The following PDLIM5 variants were observed in gnomAD, a reference collection of about 807,000 sequenced individuals.
PDLIM5 encodes PDZ and LIM domain 5, also known as PDZ and LIM domain protein 5.
A neutral mutation model predicts 64.2 loss-of-function variants in PDLIM5; 34 were observed. The observed-to-expected ratio is 0.53, with a 90% CI of 0.40 to 0.71. The LOEUF (loss-of-function observed/expected upper bound fraction) is 0.71. Among genes scored for constraint, PDLIM5 ranks in the 30% least tolerant of loss-of-function variants. The probability of loss-of-function intolerance (pLI) is 0.00; values close to 1 mark genes in which losing one functional copy is unlikely to be tolerated. For synonymous variants in PDLIM5, 253 were observed against 269.1 expected (o/e 0.94, Z 0.59); for missense variants, 683 against 733.6 (o/e 0.93, Z 0.80).
chr4:94,551,881 A>C (rs542160160), intron 3 of PDLIM5, among the ~76,000 whole-genome samples: 2 of 152,300 alleles, frequency 1.3e-5, no homozygotes, highest in South Asian at 4.1e-4. Flanking sequence ...GAGAAGTGGA[A>C]GAATGTCTTT....
intron 3 of PDLIM5, among the ~76,000 whole-genome samples, chr4:94,527,991 G>A (rs962859885): frequency 2.6e-5 from 4 of 152,298 alleles, no homozygotes; most frequent in East Asian, 1.9e-4. Flanking sequence ...ACAACAGCAC[G>A]TGCTATGGGA....
At chr4:94,652,834 T>C (rs1741943810) in intron 9 of PDLIM5, among the ~76,000 whole-genome samples, 1 of 152,084 alleles carries the variant, frequency 6.6e-6, no homozygotes, top group Non-Finnish European at 1.5e-5. Flanking sequence ...TAACAAAAAG[T>C]AGGGCTAGAA....
At chr4:94,507,752 T>C (rs1728513173) in intron 2 of PDLIM5, among the ~76,000 whole-genome samples, 1 of 152,242 alleles carries the variant, frequency 6.6e-6, no homozygotes, top group South Asian at 2.1e-4. Context: ...TTTAGCCTTA[T>C]CCTTATATTT....
At chr4:94,610,085 T>C in intron 7 of PDLIM5, 2 of 746,824 alleles carry the variant, frequency 2.7e-6, no homozygotes, top group Admixed American at 3.1e-5. Flanking sequence ...AAATGGTTGC[T>C]CTCTTGTATT....
intron 7 of PDLIM5, among the ~76,000 whole-genome samples, chr4:94,600,565 T>C (rs1737415378): frequency 6.6e-6 from 1 of 152,276 alleles, no homozygotes; most frequent in African/African-American, 2.4e-5. Context: ...TTATTGTTTA[T>C]AAATTCTTTT....
intron 5 of PDLIM5, among the ~76,000 whole-genome samples, chr4:94,576,537 T>C (rs372553787): frequency 3.3e-5 from 5 of 152,330 alleles, no homozygotes; most frequent in African/African-American, 1.2e-4. Context: ...AAGCATTAGC[T>C]TAGAGCAGAG....
intron 7 of PDLIM5, among the ~76,000 whole-genome samples, chr4:94,600,523 T>C (rs1352088917): frequency 6.6e-6 from 1 of 152,230 alleles, no homozygotes; most frequent in East Asian, 1.9e-4. Context: ...TACATGCCTT[T>C]CTCCTCTTTA....
intron 5 of PDLIM5, chr4:94,585,033 G>A (rs779824183): frequency 6.8e-6 from 8 of 1,179,344 alleles, no homozygotes; most frequent in East Asian, 4.8e-5. Context: ...CATTCTAATA[G>A]CATTATTTTA....
At chr4:94,629,783 T>C (rs1458381177) in intron 8 of PDLIM5, among the ~76,000 whole-genome samples, 1 of 152,200 alleles carries the variant, frequency 6.6e-6, no homozygotes, top group Non-Finnish European at 1.5e-5. Flanking sequence ...GAAATGGTAA[T>C]AGTTTAATCT....
intron 7 of PDLIM5, chr4:94,608,219 G>T: frequency 7.0e-7 from 1 of 1,421,566 alleles, no homozygotes. Context: ...TTCAAAGCTG[G>T]TAGTGAATTT....
chr4:94,504,352 A>G (rs1247068506), intron 2 of PDLIM5, among the ~76,000 whole-genome samples: 4 of 151,486 alleles, frequency 2.6e-5, no homozygotes, highest in African/African-American at 9.7e-5. Context: ...CGGTGGCACT[A>G]TCTCGGCTCA....
chr4:94,453,788 A>G (rs1355262500), intron 1 of PDLIM5, among the ~76,000 whole-genome samples: 1 of 152,134 alleles, frequency 6.6e-6, no homozygotes, highest in Non-Finnish European at 1.5e-5. Context: ...ACCTATATAT[A>G]CAGTTTGACT....
intron 7 of PDLIM5, among the ~76,000 whole-genome samples, chr4:94,603,696 CGT>C (rs1320609249): frequency 2.6e-5 from 4 of 152,126 alleles, no homozygotes; most frequent in Admixed American, 6.6e-5. Flanking sequence ...CGCACGCGCG[CGT>C]GTGTGAGTGT....
intron 7 of PDLIM5, among the ~76,000 whole-genome samples, chr4:94,596,328 A>C (rs1737065231): frequency 6.6e-6 from 1 of 152,138 alleles, no homozygotes; most frequent in South Asian, 2.1e-4. Flanking sequence ...GGCTTTCATA[A>C]TCCCAGAATA....
intron 9 of PDLIM5, among the ~76,000 whole-genome samples, chr4:94,648,683 C>A (rs1339665847): frequency 6.6e-6 from 1 of 152,228 alleles, no homozygotes; most frequent in African/African-American, 2.4e-5. Flanking sequence ...ATCATGGTGT[C>A]AGCTGAGCTG....
intron 3 of PDLIM5, among the ~76,000 whole-genome samples, chr4:94,524,908 T>C (rs1348060872): frequency 1.3e-5 from 2 of 152,186 alleles, no homozygotes; most frequent in East Asian, 3.8e-4. Context: ...GAAGGGTAGC[T>C]GTGAACCTTC....
intron 3 of PDLIM5, among the ~76,000 whole-genome samples, chr4:94,532,626 T>G (rs2510781): frequency 0.57 from 86,176 of 152,088 alleles, 25,563 homozygotes; most frequent in African/African-American, 0.74. Context: ...TATTCTGCAT[T>G]TATGACAGTT....
chr4:94,506,764 C>T (rs913599193), intron 2 of PDLIM5, among the ~76,000 whole-genome samples: 9 of 152,106 alleles, frequency 5.9e-5, no homozygotes, highest in African/African-American at 2.2e-4. Flanking sequence ...ATTGTTTCTG[C>T]ATATGTTTGT....
At chr4:94,658,114 G>A (rs532906224) in intron 11 of PDLIM5, among the ~76,000 whole-genome samples, 1 of 152,158 alleles carries the variant, frequency 6.6e-6, no homozygotes, top group African/African-American at 2.4e-5. Context: ...CCAATGATTT[G>A]TGGATATAAA....
Sources: allele counts gnomAD v4.1 joint callset (sites outside exome capture counted in the v4.1 genomes callset), GRCh38; gene constraint gnomAD v4.1.1; transcripts MANE v1.5; gene names NCBI Gene and HGNC (gene_info 2026-07-23, HGNC 2026-07-21).